The following PDCD11 variants were observed in gnomAD, a reference collection of about 807,000 sequenced individuals.
PDCD11 encodes the protein protein RRP5 homolog.
In PDCD11, 97 loss-of-function variants were observed where a neutral mutation model predicts 198.9. That is an observed-to-expected ratio of 0.49 (90% CI 0.41 to 0.58). The LOEUF is 0.58. Among genes scored for constraint, PDCD11 ranks in the 20% least tolerant of loss-of-function variants. The pLI is 0.00. For missense variants in PDCD11, 2,102 were observed against 2,312.7 expected (o/e 0.91, Z 1.87); for synonymous variants, 893 against 918.0 (o/e 0.97, Z 0.49).
At chr10:103,442,640 A>G (rs1430107456) in intron 32 of PDCD11, among the ~76,000 whole-genome samples, 180 bp downstream of exon 32, 1 of 152,158 alleles carries the variant, frequency 6.6e-6, no homozygotes, top group Admixed American at 6.5e-5. Context: ...AGATCTACTC[A>G]TTTATATTTT....
Position 103,423,091 on chromosome 10 carries a change from T to A in PDCD11, c.2601T>A (p.Gly867=). Reference sequence around the variant, plus strand: ...ATGGCTCTGTGGTATTCAGTGGGGGTCCAGTGCCCGACCTGGTCCTGAAAG... The same window carrying A: ...ATGGCTCTGTGGTATTCAGTGGGGGACCAGTGCCCGACCTGGTCCTGAAAG... ...LEDGSVVFSG[G]PVPDLVLKAS... Residue 867 remains glycine, a synonymous_variant, in exon 18 of 36, where the codon GGT becomes GGA. Transcript: ENST00000369797. 3 of 1,603,114 alleles carry A rather than the reference T, an allele frequency of 1.9e-6. No homozygotes were observed. In the South Asian group the frequency reaches 3.4e-5, roughly 18 times the overall value.
chr10:103,429,633 A>G (rs2031842644), intron 21 of PDCD11, among the ~76,000 whole-genome samples: 1 of 152,088 alleles, frequency 6.6e-6, no homozygotes, highest in Admixed American at 6.5e-5. Context: ...AAATTACTGT[A>G]ATTTTTAAAA....
rs1317522156 is a variant in PDCD11 at position 103,434,026 on chromosome 10, C to T, written c.3553C>T (p.Leu1185=). ...GAGAATTCCCTTATTGCTCACTTCTCTGAGCTTCAAGGTCAGTGTGCTTGA... is the reference window on the plus strand; with the variant it reads ...GAGAATTCCCTTATTGCTCACTTCTTTGAGCTTCAAGGTCAGTGTGCTTGA... ...RGRIPLLLTS[L]SFKVLKHPDK... The change falls in exon 23 of 36, where the codon CTG becomes TTG. Residue 1185 remains leucine (L), a synonymous_variant. Coordinates refer to ENST00000369797, the MANE Select transcript of PDCD11 (RefSeq NM_014976.2). 1 of 1,612,340 alleles carries T rather than the reference C, an allele frequency of 6.2e-7. No individual in the cohort carries two copies. The highest frequency in any genetic ancestry group is 8.5e-7 in the Non-Finnish European group (1 of 1,178,312).
intron 27 of PDCD11, among the ~76,000 whole-genome samples, chr10:103,439,495 C>A (rs907551740): frequency 6.6e-6 from 1 of 152,170 alleles, no homozygotes; most frequent in African/African-American, 2.4e-5. Flanking sequence ...TGCAGTTTCT[C>A]CTAGCAGTTT....
Position 103,415,022 on chromosome 10 carries a change from A to G in PDCD11, c.1389A>G (p.Ile463Met), listed in dbSNP as rs1291010918. 1.9e-6 allele frequency: 3 copies of G among 1,613,984 alleles called. No homozygotes were observed. Among genetic ancestry groups the G allele is most frequent in the Non-Finnish European group, 2.5e-6 (3 of 1,180,016 alleles). Residue 463 changes from isoleucine to methionine, a missense_variant, in exon 12 of 36, where the codon ATA becomes ATG. Transcript: ENST00000369797. ...TTCTCTAGGGCACAGTGCTAACCAT[A>G]AAGTCATATGGGATGCTGGTGAAGG... ...GAVVKGTVLT[I>M]KSYGMLVKVG...
intron 28 of PDCD11, 35 bp downstream of exon 28, chr10:103,439,903 G>T (rs777841763): frequency 1.9e-6 from 3 of 1,613,438 alleles, no homozygotes; most frequent in Non-Finnish European, 2.5e-6. Context: ...TCTCTGTAAT[G>T]TGAATCAAAC....
chr10:103,432,011 T>G, intron 21 of PDCD11, 118 bp from the exon 22 acceptor site: 1 of 712,858 alleles, frequency 1.4e-6, no homozygotes, highest in Admixed American at 2.0e-5. Flanking sequence ...CCTTGGAGGG[T>G]GAGTATGAGT....
intron 25 of PDCD11, among the ~76,000 whole-genome samples, chr10:103,437,182 C>T (rs1286838006): frequency 2.0e-5 from 3 of 152,280 alleles, no homozygotes; most frequent in Non-Finnish European, 4.4e-5. Context: ...TACTTAGTTG[C>T]CCAGGCTAGA....
At chr10:103,415,499 G>A (rs1592122529) in intron 12 of PDCD11, among the ~76,000 whole-genome samples, 1 of 152,206 alleles carries the variant, frequency 6.6e-6, no homozygotes, top group African/African-American at 2.4e-5. Context: ...GGACTGCCAC[G>A]AACAGGTATT....
intron 16 of PDCD11, among the ~76,000 whole-genome samples, chr10:103,420,239 G>A (rs1284392237): frequency 6.6e-6 from 1 of 152,028 alleles, no homozygotes. Context: ...TGGAGGAAGG[G>A]ACACCTTTCC....
intron 7 of PDCD11, 83 bp downstream of exon 7, chr10:103,406,873 T>C (rs972267522): frequency 6.1e-6 from 7 of 1,156,480 alleles, no homozygotes; most frequent in Non-Finnish European, 8.5e-6. Context: ...AAAACTACTG[T>C]CTGATAAAGG....
intron 28 of PDCD11, 24 bp from the exon 29 acceptor site, chr10:103,440,266 C>T (rs1229205400): frequency 6.3e-7 from 1 of 1,591,486 alleles, no homozygotes; most frequent in Non-Finnish European, 8.5e-7. Context: ...GATGTCTTTA[C>T]CTCCCCATCT....
chr10:103,442,398 G>A lies in PDCD11; in HGVS notation c.4893G>A (p.Gln1631=), dbSNP rs946549621. Residue 1631 remains glutamine, a synonymous_variant, in exon 32 of 36, where the codon CAG becomes CAA. Transcript: ENST00000369797. ...LWLQYMAFHL[Q]ATEIEKARAV... is the part of the protein sequence containing the mutation. ...TGCAGTACATGGCTTTCCACCTGCAGGCCACGGAGATCGAGAAGGCCCGTG... is the reference window on the plus strand; with the variant it reads ...TGCAGTACATGGCTTTCCACCTGCAAGCCACGGAGATCGAGAAGGCCCGTG... The A allele has an allele frequency of 1.2e-6, 2 of 1,614,070 alleles. No homozygotes were observed. The highest frequency in any genetic ancestry group is 2.7e-5 in the African/African-American group (2 of 74,926).
chr10:103,417,846 T>A lies in PDCD11; in HGVS notation c.1825T>A (p.Ser609Thr). ...GCCATCCAAAGAGAGGATGCTCTTA[T>A]CCTTCAAGCTGTCGAGTGATCCAGA... ...CEPSKERMLL[S>T]FKLSSDPEPK... The change falls in exon 14 of 36, where the codon TCC becomes ACC. Residue 609 changes from serine to threonine, a missense_variant. Physicochemically the swap from Ser to Thr is moderately conservative, Grantham distance 58. Coordinates refer to ENST00000369797, the MANE Select transcript of PDCD11 (RefSeq NM_014976.2). 6.2e-7 allele frequency: 1 copy of A among 1,614,146 alleles called. No individual in the cohort carries two copies. Among genetic ancestry groups the A allele is most frequent in the East Asian group, 2.2e-5 (1 of 44,884 alleles).
intron 2 of PDCD11, 49 bp downstream of exon 2, chr10:103,398,577 G>T (rs1409932981): frequency 8.3e-7 from 1 of 1,207,106 alleles, no homozygotes; most frequent in South Asian, 1.2e-5. Context: ...TTTTACTGTA[G>T]TGTCTTGTGA....
At chr10:103,400,867 A>G (rs1373479007) in intron 3 of PDCD11, among the ~76,000 whole-genome samples, 1 of 152,144 alleles carries the variant, frequency 6.6e-6, no homozygotes, top group Non-Finnish European at 1.5e-5. Context: ...TTCCTGCCTC[A>G]GCTTCTCCTG....
chr10:103,409,781 C>T lies in PDCD11; in HGVS notation c.953C>T (p.Ala318Val), dbSNP rs2030684196. 1 of 1,613,156 alleles carries T rather than the reference C, an allele frequency of 6.2e-7. No individual in the cohort carries two copies. The highest frequency in any genetic ancestry group is 8.5e-7 in the Non-Finnish European group (1 of 1,179,106). The change falls in exon 8 of 36, where the codon GCT becomes GTT. Residue 318 changes from alanine (A) to valine (V), a missense_variant. Transcript: ENST00000369797. Reference sequence around the variant, plus strand: ...TTTATGCACCTGGATCCCAAGAAAGCTGGAACATATTTCTCAAATCAGGCA... The same window carrying T: ...TTTATGCACCTGGATCCCAAGAAAGTTGGAACATATTTCTCAAATCAGGCA... ...VDFMHLDPKK[A>V]GTYFSNQAVR...
Position 103,425,356 on chromosome 10 carries a change from A to C in PDCD11, c.3136A>C (p.Ile1046Leu), listed in dbSNP as rs1351356097. 6.2e-7 allele frequency: 1 copy of C among 1,614,198 alleles called. No individual in the cohort carries two copies. Among genetic ancestry groups the C allele is most frequent in the Admixed American group, 1.7e-5 (1 of 60,024 alleles). Residue 1046 changes from isoleucine (I) to leucine (L), a missense_variant, in exon 20 of 36, where the codon ATT (isoleucine) becomes CTT (leucine). Physicochemically the swap from Ile to Leu is conservative, Grantham distance 5. Coordinates refer to ENST00000369797, the MANE Select transcript of PDCD11 (RefSeq NM_014976.2). ...GDMVTGTVKSIKPTHVVVTLE... is the reference protein window; with the variant it reads ...GDMVTGTVKSLKPTHVVVTLE... ...CATGGTCACAGGGACTGTCAAGTCCATTAAGCCTACCCATGTGGTTGTGAC... is the reference window on the plus strand; with the variant it reads ...CATGGTCACAGGGACTGTCAAGTCCCTTAAGCCTACCCATGTGGTTGTGAC...
intron 25 of PDCD11, among the ~76,000 whole-genome samples, chr10:103,435,334 T>G (rs1366496194): frequency 6.6e-6 from 1 of 152,194 alleles, no homozygotes; most frequent in Non-Finnish European, 1.5e-5. Context: ...ATTCTGGGGT[T>G]TTTTTAATTG....
Sources: gnomAD v4.1 joint callset for allele counts (sites outside exome capture counted in the v4.1 genomes callset) on GRCh38, gnomAD v4.1.1 for gene constraint, MANE v1.5 for transcripts, NCBI Gene and HGNC (gene_info 2026-07-23, HGNC 2026-07-21) for gene names.